SCAF8: variants seen among roughly 807,000 people sequenced by gnomAD.
The protein encoded by SCAF8 is SR-related and CTD-associated factor 8.
Under a neutral mutation model 140.5 loss-of-function variants are expected in SCAF8, and 23 were observed. That is an observed-to-expected ratio of 0.16 (90% confidence interval 0.12 to 0.23). The LOEUF (loss-of-function observed/expected upper bound fraction) is 0.23, where lower values mean the gene tolerates loss of function less well. Ranked by LOEUF, SCAF8 falls within the 10% of genes least tolerant of loss-of-function variation. SCAF8 has a pLI of 1.00. For missense variants in SCAF8, 1,397 were observed against 1,555.7 expected, an observed-to-expected ratio of 0.90 and a Z score of 1.72; for synonymous variants, 575 against 528.9, an observed-to-expected ratio of 1.09 and a Z score of -1.20.
At chr6:154,820,369 A>G (rs1778383784) in intron 15 of SCAF8, 36 bp downstream of exon 15, 2 of 1,555,866 alleles carry the variant, frequency 1.3e-6, no homozygotes, top group East Asian at 2.3e-5. Context: ...GTTAAAAAAA[A>G]GTATGCTTAG....
At chr6:154,802,182 A>G (rs759313760) in intron 7 of SCAF8, 35 bp downstream of exon 7, 1 of 1,228,038 alleles carries the variant, frequency 8.1e-7, no homozygotes. Flanking sequence ...GTCTATATGA[A>G]TTATTAAATA....
chr6:154,825,473 A>T (rs181186242), intron 17 of SCAF8, among the ~76,000 whole-genome samples: 1 of 151,654 alleles, frequency 6.6e-6, no homozygotes, highest in East Asian at 2.0e-4. Flanking sequence ...GCAGGAGTGC[A>T]AGACCAGCCC....
At chr6:154,762,519 G>A (rs1562432564) in intron 1 of SCAF8, among the ~76,000 whole-genome samples, 1 of 151,982 alleles carries the variant, frequency 6.6e-6, no homozygotes. Flanking sequence ...ATATTCATAG[G>A]TCCCACCCAT....
intron 11 of SCAF8, 67 bp from the exon 12 acceptor site, chr6:154,809,948 C>A: frequency 7.8e-7 from 1 of 1,281,470 alleles, no homozygotes; most frequent in Middle Eastern, 1.9e-4. Context: ...TTTTCCCTCA[C>A]TTAGAAGTGA....
At chr6:154,747,955 G>T (rs1157090599) in intron 1 of SCAF8, among the ~76,000 whole-genome samples, 1 of 148,658 alleles carries the variant, frequency 6.7e-6, no homozygotes, top group Non-Finnish European at 1.5e-5. Context: ...ATGCATGTTT[G>T]TTTTTCCTCA....
rs1777969887 is a variant in SCAF8, at chr6:154,807,937, A to C, written c.982-133A>C. On this transcript the variant is annotated intron_variant, in intron 9 of 19. Transcript: ENST00000367178. ...TTTTGGATTGATTACTTTATAAATG[A>C]TTTAACATGGAATTTCTTTTATGTA... 4 of 721,308 alleles carry C rather than the reference A, an allele frequency of 5.5e-6. No individual in the cohort carries two copies. In the South Asian group the frequency reaches 1.1e-4, roughly 20 times the overall value. The allele number at this position is 721,308 out of a possible 1,614,324, so 44.7% of individuals were successfully genotyped here.
At position 154,796,177 on chromosome 6, in the gene SCAF8, G is replaced by T. The variant is rs187550949; in HGVS notation, c.606+1038G>T. The stretch of plus-strand genomic sequence containing the variant: ...AGACTCATAGAAATACCTCATTTTT[G>T]TCCCACTGTGATGTTGGTTTTGTTT... On this transcript the variant is annotated intron_variant, in intron 6 of 19. Coordinates refer to ENST00000367178, the MANE Select transcript of SCAF8 (RefSeq NM_014892.5). Among the ~76,000 whole-genome samples the T allele has an allele frequency of 1.2e-4, 18 of 152,034 alleles. No homozygotes were observed. The East Asian group carries it at 3.1e-3, about 26-fold the overall frequency.
At chr6:154,798,728 G>C (rs1278990001) in intron 6 of SCAF8, among the ~76,000 whole-genome samples, 2 of 151,288 alleles carry the variant, frequency 1.3e-5, no homozygotes, top group African/African-American at 4.8e-5. Flanking sequence ...AAATACCTGA[G>C]AGTTCATGCA....
At chr6:154,738,136 T>A (rs1308090437) in intron 1 of SCAF8, among the ~76,000 whole-genome samples, 1 of 151,330 alleles carries the variant, frequency 6.6e-6, no homozygotes. Flanking sequence ...AGAGTGCAAT[T>A]ACTGCACCTG....
At chr6:154,744,850 C>T (rs2114797607) in intron 1 of SCAF8, among the ~76,000 whole-genome samples, 1 of 152,238 alleles carries the variant, frequency 6.6e-6, no homozygotes, top group Non-Finnish European at 1.5e-5. Flanking sequence ...ACCATGTTTG[C>T]TTTCTTACTG....
chr6:154,774,941 T>C (rs755446612), intron 2 of SCAF8, among the ~76,000 whole-genome samples: 5 of 152,156 alleles, frequency 3.3e-5, no homozygotes, highest in Non-Finnish European at 5.9e-5. Context: ...CCTCTTAAAA[T>C]TGAGAATGAA....
At chr6:154,827,325 A>G (rs1778595186) in intron 18 of SCAF8, 85 bp downstream of exon 18, 2 of 869,830 alleles carry the variant, frequency 2.3e-6, no homozygotes, top group South Asian at 3.4e-5. Context: ...AATTACCGTT[A>G]ATATTTTTAT....
intron 8 of SCAF8, among the ~76,000 whole-genome samples, chr6:154,804,603 A>G (rs560541259): frequency 1.3e-5 from 2 of 152,314 alleles, no homozygotes; most frequent in East Asian, 3.9e-4. Flanking sequence ...GAAGCAAGGA[A>G]TCAAATTTAC....
At chr6:154,818,076 T>A (rs745877441) in intron 13 of SCAF8, among the ~76,000 whole-genome samples, 8 of 152,206 alleles carry the variant, frequency 5.3e-5, no homozygotes, top group Non-Finnish European at 1.0e-4. Context: ...ATTGAAGTAA[T>A]ATTAGGAATA....
intron 3 of SCAF8, among the ~76,000 whole-genome samples, chr6:154,786,729 A>G (rs955509910): frequency 6.6e-6 from 1 of 152,176 alleles, no homozygotes; most frequent in African/African-American, 2.4e-5. Context: ...TCAATTAGAG[A>G]GTCTTAGGAA....
At chr6:154,814,458 G>A (rs1778189420) in intron 12 of SCAF8, among the ~76,000 whole-genome samples, 1 of 152,234 alleles carries the variant, frequency 6.6e-6, no homozygotes, top group African/African-American at 2.4e-5. Context: ...CTCTGTGTTA[G>A]CTAAGTGATT....
intron 1 of SCAF8, 102 bp from the exon 2 acceptor site, chr6:154,773,887 G>C (rs955227045): frequency 3.9e-6 from 3 of 768,684 alleles, no homozygotes; most frequent in South Asian, 3.3e-5. Flanking sequence ...AAGAAAAGCA[G>C]TATGTTGGTT....
At chr6:154,791,969 AAGTCTGCTTGCCAGT>A (rs1354961118) in intron 4 of SCAF8, among the ~76,000 whole-genome samples, 2 of 152,012 alleles carry the variant, frequency 1.3e-5, no homozygotes, top group Non-Finnish European at 2.9e-5. Context: ...CAGATGTCAA[AAGTCTGCTTGCCAGT>A]GGCAAGCAGG....
At chr6:154,764,031 A>C (rs535966747) in intron 1 of SCAF8, among the ~76,000 whole-genome samples, 1 of 152,194 alleles carries the variant, frequency 6.6e-6, no homozygotes. Context: ...AAGTTTTGTG[A>C]TGGAGTAGCC....
Sources: allele counts gnomAD v4.1 joint callset (sites outside exome capture counted in the v4.1 genomes callset), GRCh38; gene constraint gnomAD v4.1.1; transcripts MANE v1.5; gene names NCBI Gene and HGNC (gene_info 2026-07-23, HGNC 2026-07-21).